Variants in PSD3 observed in about 807,000 individuals in gnomAD.
PSD3 encodes pleckstrin and Sec7 domain containing 3.
PSD3 carries 49 observed loss-of-function variants against 105.5 expected under a neutral mutation model. The ratio of observed to expected loss-of-function variants is 0.46; its 90% CI spans 0.37 to 0.59. The LOEUF (loss-of-function observed/expected upper bound fraction) is 0.59. PSD3 is among the 20% of genes least tolerant of loss of function. The probability of loss-of-function intolerance (pLI) is 0.00; values close to 1 mark genes in which losing one functional copy is unlikely to be tolerated. For synonymous variants in PSD3, 557 were observed against 457.8 expected, an observed-to-expected ratio of 1.22 and a Z score of -2.77; for missense variants, 1,561 against 1,263.8, an observed-to-expected ratio of 1.24 and a Z score of -3.57.
intron 1 of PSD3, among the ~76,000 whole-genome samples, chr8:19,035,549 T>C (rs1465903007): frequency 6.6e-6 from 1 of 152,140 alleles, no homozygotes; most frequent in African/African-American, 2.4e-5. Context: ...GTCTCCCTTT[T>C]ATGTTTTTTG....
chr8:18,592,680 G>C (rs1050801397), intron 12 of PSD3, among the ~76,000 whole-genome samples: 34 of 151,686 alleles, frequency 2.2e-4, no homozygotes, highest in African/African-American at 7.5e-4. Flanking sequence ...TATGTTCAAG[G>C]TGCTCAAAAA....
At chr8:18,803,471 G>A (rs1810914900) in intron 6 of PSD3, among the ~76,000 whole-genome samples, 1 of 149,698 alleles carries the variant, frequency 6.7e-6, no homozygotes, top group Admixed American at 6.7e-5. Context: ...ATTGAAAACA[G>A]GGTCTTGAAG....
intron 1 of PSD3, among the ~76,000 whole-genome samples, chr8:18,964,492 C>T (rs913989564): frequency 6.6e-6 from 1 of 151,942 alleles, no homozygotes; most frequent in Non-Finnish European, 1.5e-5. Flanking sequence ...TAATGCTTTA[C>T]TCCTTAAAAC....
intron 12 of PSD3, among the ~76,000 whole-genome samples, chr8:18,586,083 T>C (rs940424528): frequency 6.6e-6 from 1 of 152,136 alleles, no homozygotes; most frequent in Non-Finnish European, 1.5e-5. Flanking sequence ...ACTGTGCCCA[T>C]GTGTTCAGGA....
chr8:18,810,313 T>G (rs1256586563), intron 4 of PSD3, among the ~76,000 whole-genome samples: 37 of 152,208 alleles, frequency 2.4e-4, no homozygotes, highest in Admixed American at 2.4e-3. Flanking sequence ...CCATGTCTAC[T>G]TCCTCCACTG....
chr8:18,820,602 A>G (rs1022779510), intron 4 of PSD3, among the ~76,000 whole-genome samples: 11 of 152,216 alleles, frequency 7.2e-5, no homozygotes, highest in African/African-American at 2.7e-4. Flanking sequence ...TTGGGGAATA[A>G]TGACAAGAAA....
intron 9 of PSD3, among the ~76,000 whole-genome samples, chr8:18,764,602 A>C (rs1806813933): frequency 6.6e-6 from 1 of 152,236 alleles, no homozygotes; most frequent in African/African-American, 2.4e-5. Flanking sequence ...TAAAGGTTAC[A>C]TAAAACACAA....
chr8:18,765,911 C>T (rs1418411852), intron 8 of PSD3, among the ~76,000 whole-genome samples: 8 of 146,630 alleles, frequency 5.5e-5, no homozygotes, highest in Non-Finnish European at 1.1e-4. Flanking sequence ...GAGGTTGCAG[C>T]GAGCGGAGAT....
chr8:18,768,237 G>A (rs936827362), intron 8 of PSD3, among the ~76,000 whole-genome samples: 5 of 151,612 alleles, frequency 3.3e-5, no homozygotes, highest in African/African-American at 1.2e-4. Context: ...AGTAAGCCAA[G>A]ATTGTGCCAC....
intron 8 of PSD3, among the ~76,000 whole-genome samples, chr8:18,790,516 A>G (rs938105264): frequency 2.1e-4 from 32 of 151,842 alleles, no homozygotes; most frequent in African/African-American, 7.7e-4. Context: ...GTTAGCCAGG[A>G]TGGTCTCTAT....
intron 1 of PSD3, among the ~76,000 whole-genome samples, chr8:18,959,799 G>A (rs1239608839): frequency 6.6e-6 from 1 of 152,204 alleles, no homozygotes; most frequent in South Asian, 2.1e-4. Context: ...ACACAAGGCA[G>A]AAAAGGCTGT....
intron 9 of PSD3, among the ~76,000 whole-genome samples, chr8:18,740,887 C>G (rs1804519941): frequency 6.6e-6 from 1 of 152,196 alleles, no homozygotes; most frequent in South Asian, 2.1e-4. Context: ...AGCACTTCCA[C>G]TAGACTTTCC....
At chr8:19,008,062 C>G (rs1389963825) in intron 1 of PSD3, among the ~76,000 whole-genome samples, 1 of 152,074 alleles carries the variant, frequency 6.6e-6, no homozygotes, top group Non-Finnish European at 1.5e-5. Context: ...AGGCTGGTCT[C>G]AACTCCGCTG....
chr8:18,784,534 G>C (rs181747718), intron 8 of PSD3, among the ~76,000 whole-genome samples: 1 of 152,192 alleles, frequency 6.6e-6, no homozygotes, highest in Non-Finnish European at 1.5e-5. Flanking sequence ...CAAGTTTCGG[G>C]TGTCAATTGG....
chr8:18,742,504 T>G (rs1804654732), intron 9 of PSD3, among the ~76,000 whole-genome samples: 1 of 152,190 alleles, frequency 6.6e-6, no homozygotes, highest in Non-Finnish European at 1.5e-5. Context: ...TATAAGCATA[T>G]TCTTTGAAAA....
intron 2 of PSD3, among the ~76,000 whole-genome samples, chr8:18,907,753 A>ATGAC (rs1819941212): frequency 6.6e-6 from 1 of 152,238 alleles, no homozygotes; most frequent in African/African-American, 2.4e-5. Flanking sequence ...TAAGCAGCAC[A>ATGAC]TGACTGTACC....
intron 1 of PSD3, among the ~76,000 whole-genome samples, chr8:19,062,419 A>C (rs1828934104): frequency 6.6e-6 from 1 of 152,194 alleles, no homozygotes; most frequent in South Asian, 2.1e-4. Context: ...GCAGATGAGG[A>C]AACTGAAACT....
intron 15 of PSD3, among the ~76,000 whole-genome samples, chr8:18,542,598 T>G (rs769956548): frequency 6.6e-6 from 1 of 152,188 alleles, no homozygotes; most frequent in Non-Finnish European, 1.5e-5. Context: ...AAAATTAACA[T>G]AGTTCCAGAT....
intron 11 of PSD3, among the ~76,000 whole-genome samples, chr8:18,612,501 T>C (rs186053322): frequency 2.6e-5 from 4 of 152,106 alleles, no homozygotes; most frequent in South Asian, 2.1e-4. Context: ...GCTTCCCCAA[T>C]AGCTGGGACT....
Sources: gnomAD v4.1 joint callset for allele counts (sites outside exome capture counted in the v4.1 genomes callset) on GRCh38, gnomAD v4.1.1 for gene constraint, MANE v1.5 for transcripts, NCBI Gene and HGNC (gene_info 2026-07-23, HGNC 2026-07-21) for gene names.